Variants in DLG1 observed in about 807,000 individuals in gnomAD.
DLG1 encodes disks large homolog 1.
Under a neutral mutation model 123.4 loss-of-function variants are expected in DLG1, and 42 were observed. That is an observed-to-expected ratio of 0.34 (90% CI 0.27 to 0.44). DLG1 has a LOEUF of 0.44. DLG1 is among the 20% of genes least tolerant of loss of function. The pLI is 1.00. For missense variants in DLG1, 942 were observed against 1,082.6 expected (o/e 0.87, Z 1.82); for synonymous variants, 317 against 356.2 (o/e 0.89, Z 1.24).
chr3:197,160,816 C>CCA (rs1798498827), intron 5 of DLG1, among the ~76,000 whole-genome samples: 1 of 151,894 alleles, frequency 6.6e-6, no homozygotes, highest in South Asian at 2.1e-4. Flanking sequence ...ATATGTTTAC[C>CCA]CAGATTTTAG....
Position 197,165,496 on chromosome 3 carries a change from T to C in DLG1, c.484-15700A>G, listed in dbSNP as rs114411859. Among the ~76,000 whole-genome samples, 1,220 of 152,246 alleles carry C rather than the reference T, an allele frequency of 8.0e-3. 13 individuals carry two copies. Among genetic ancestry groups the C allele is most frequent in the African/African-American group, 0.027 (1,114 of 41,534 alleles). ...TGCCACTGAATTGTACATTAACAAA[T>C]GGCTAAAATGGTAAACTTGATGTAA... On this transcript the variant is annotated intron_variant, in intron 5 of 24. Coordinates refer to ENST00000667157, the MANE Select transcript of DLG1 (RefSeq NM_001366207.1).
intron 5 of DLG1, among the ~76,000 whole-genome samples, chr3:197,183,348 T>C (rs988382962): frequency 2.0e-5 from 3 of 152,170 alleles, no homozygotes; most frequent in African/African-American, 4.8e-5. Flanking sequence ...AGTCATTCAA[T>C]TGAATCTGAG....
chr3:197,234,825 A>G (rs555335509), intron 4 of DLG1, among the ~76,000 whole-genome samples: 65 of 152,182 alleles, frequency 4.3e-4, no homozygotes, highest in Non-Finnish European at 8.8e-4. Flanking sequence ...TCTAAACTCT[A>G]CAATGAACAT....
At chr3:197,053,776 A>T (rs1729652298) in intron 23 of DLG1, among the ~76,000 whole-genome samples, 2 of 123,794 alleles carry the variant, frequency 1.6e-5, no homozygotes, top group Admixed American at 7.5e-5. Flanking sequence ...CTGTCTCATA[A>T]AAAAAAAAAA....
intron 4 of DLG1, among the ~76,000 whole-genome samples, chr3:197,264,985 G>C (rs187470693): frequency 6.6e-6 from 1 of 152,000 alleles, no homozygotes; most frequent in African/African-American, 2.4e-5. Flanking sequence ...CTTCAAAAAA[G>C]CTTGCATAGA....
Position 197,138,280 on chromosome 3 carries a change from T to C in DLG1, c.825A>G (p.Lys275=). 2 of 1,603,948 alleles carry C rather than the reference T, an allele frequency of 1.2e-6. No homozygotes were observed. The highest frequency in any genetic ancestry group is 1.7e-6 in the Non-Finnish European group (2 of 1,173,328). Residue 275 remains lysine (K), a synonymous_variant, in exon 9 of 25, where the codon AAA becomes AAG. Transcript: ENST00000667157. ...EAGSIVRLYV[K]RRKPVSEKIM... ...TTTTTTCTGACACTGGTTTCCTTCT[T>C]TTTACATACAAGCGTACAATAGACC...
chr3:197,175,198 T>G (rs546918746), intron 5 of DLG1, among the ~76,000 whole-genome samples: 36 of 152,196 alleles, frequency 2.4e-4, no homozygotes, highest in Non-Finnish European at 4.9e-4. Flanking sequence ...TAAAGTTTTC[T>G]TTAAAAGGTG....
At chr3:197,077,878 T>G (rs905720805) in intron 17 of DLG1, among the ~76,000 whole-genome samples, 5 of 152,278 alleles carry the variant, frequency 3.3e-5, no homozygotes, top group Admixed American at 6.5e-5. Context: ...GGGAAAAATA[T>G]AAAGAATAGA....
At chr3:197,284,791 T>C (rs940627733) in intron 3 of DLG1, among the ~76,000 whole-genome samples, 8 of 152,214 alleles carry the variant, frequency 5.3e-5, no homozygotes, top group Non-Finnish European at 8.8e-5. Context: ...AAAACATTAA[T>C]TTTGTTGAAA....
intron 4 of DLG1, among the ~76,000 whole-genome samples, chr3:197,274,503 G>A (rs759506695): frequency 4.6e-5 from 7 of 150,786 alleles, no homozygotes; most frequent in Admixed American, 6.6e-5. Context: ...AATACGACAC[G>A]ACACGACACG....
chr3:197,269,198 C>A (rs181906811), intron 4 of DLG1, among the ~76,000 whole-genome samples: 1 of 152,118 alleles, frequency 6.6e-6, no homozygotes, highest in Admixed American at 6.5e-5. Flanking sequence ...CCTAATTATA[C>A]GTGCTATGCT....
intron 11 of DLG1, among the ~76,000 whole-genome samples, chr3:197,126,320 T>C (rs1399717807): frequency 6.6e-6 from 1 of 151,784 alleles, no homozygotes. Context: ...CTACTAAAAA[T>C]ACAAAATTAG....
intron 4 of DLG1, among the ~76,000 whole-genome samples, chr3:197,197,835 T>C (rs1411348203): frequency 6.6e-6 from 1 of 152,170 alleles, no homozygotes; most frequent in Non-Finnish European, 1.5e-5. Flanking sequence ...AGTCCAGAAA[T>C]AGATCCTGAC....
intron 6 of DLG1, 152 bp from the exon 7 acceptor site, chr3:197,142,920 T>C (rs917202700): frequency 1.3e-5 from 8 of 618,866 alleles, no homozygotes; most frequent in Admixed American, 6.8e-5. Flanking sequence ...GGGGAAGATT[T>C]TCAAGGAATG....
chr3:197,084,125 TGAAG>T (rs1043344784), intron 16 of DLG1, among the ~76,000 whole-genome samples: 14 of 152,274 alleles, frequency 9.2e-5, no homozygotes, highest in Admixed American at 7.8e-4. Flanking sequence ...CATTTTGGCA[TGAAG>T]GAAGAAATTC....
chr3:197,044,148 T>C lies in DLG1; in HGVS notation c.*475A>G, dbSNP rs1721504460. On this transcript the variant is annotated 3_prime_UTR_variant, in exon 25 of 25. Transcript: ENST00000667157. ...TATAATGAAACAATTGCTTTGATGA[T>C]AGAAGTTGATTGAGAAAAGGACTTG... 1 of 152,292 alleles carries C rather than the reference T, an allele frequency of 6.6e-6. No individual in the cohort carries two copies. The highest frequency in any genetic ancestry group is 1.5e-5 in the Non-Finnish European group (1 of 68,106). 9.4% of individuals were successfully genotyped at this position (152,292 alleles called of 1,614,324 possible). A position where few individuals can be genotyped will look rare whatever the true frequency, so the allele number is the denominator to read the frequency against.
At chr3:197,278,596 T>C (rs978659292) in intron 4 of DLG1, among the ~76,000 whole-genome samples, 3 of 151,944 alleles carry the variant, frequency 2.0e-5, no homozygotes, top group African/African-American at 7.2e-5. Flanking sequence ...AAAGATAATA[T>C]ATACAAAAAA....
intron 20 of DLG1, 63 bp from the exon 21 acceptor site, chr3:197,065,872 T>C (rs1739168090): frequency 1.4e-5 from 16 of 1,118,528 alleles, no homozygotes; most frequent in Non-Finnish European, 2.0e-5. Context: ...GTATTTTATT[T>C]CACCAGCGAA....
chr3:197,149,693 G>C (rs779707139), intron 6 of DLG1, 50 bp downstream of exon 6: 3 of 1,181,264 alleles, frequency 2.5e-6, no homozygotes, highest in South Asian at 1.2e-5. Flanking sequence ...ATCAAAAAAC[G>C]GAACAGGAAA....
Sources: allele counts gnomAD v4.1 joint callset (sites outside exome capture counted in the v4.1 genomes callset), GRCh38; gene constraint gnomAD v4.1.1; transcripts MANE v1.5; gene names NCBI Gene and HGNC (gene_info 2026-07-23, HGNC 2026-07-21).